Variants in SEMA6D observed in about 807,000 individuals in gnomAD.
SEMA6D encodes the protein semaphorin-6D.
Under a neutral mutation model 106.6 loss-of-function variants are expected in SEMA6D, and 35 were observed. That is an observed-to-expected ratio of 0.33 (90% CI 0.25 to 0.44). SEMA6D has a LOEUF of 0.44. Ranked by LOEUF, SEMA6D falls within the 20% of genes least tolerant of loss-of-function variation. The pLI is 1.00. For missense variants in SEMA6D, 1,185 were observed against 1,345.9 expected (o/e 0.88, Z 1.87); for synonymous variants, 499 against 487.7 (o/e 1.02, Z -0.31).
At chr15:47,620,961 A>G (rs2077087543) in intron 4 of SEMA6D, among the ~76,000 whole-genome samples, 1 of 152,030 alleles carries the variant, frequency 6.6e-6, no homozygotes, top group South Asian at 2.1e-4. Context: ...TTTGTAAAAT[A>G]GGAGATCCCT....
intron 1 of SEMA6D, among the ~76,000 whole-genome samples, chr15:47,753,873 G>T (rs2081577886): frequency 6.6e-6 from 1 of 152,182 alleles, no homozygotes; most frequent in South Asian, 2.1e-4. Flanking sequence ...AGTCTAAGCA[G>T]ATACTCTTTG....
At chr15:47,511,847 AT>A (rs1177278481) in intron 3 of SEMA6D, among the ~76,000 whole-genome samples, 1 of 152,100 alleles carries the variant, frequency 6.6e-6, no homozygotes. Context: ...CAGGCCACAC[AT>A]GTGCTGTGTG....
At chr15:47,471,206 A>G (rs2042826743) in intron 3 of SEMA6D, among the ~76,000 whole-genome samples, 1 of 152,220 alleles carries the variant, frequency 6.6e-6, no homozygotes, top group African/African-American at 2.4e-5. Flanking sequence ...GACTGAGTGG[A>G]CTTCATTGTG....
chr15:47,282,073 A>G (rs1399881721), intron 1 of SEMA6D, among the ~76,000 whole-genome samples: 2 of 152,190 alleles, frequency 1.3e-5, no homozygotes, highest in Admixed American at 6.5e-5. Context: ...ATTATGTGAT[A>G]ATAATGTGCT....
chr15:47,744,337 G>C (rs1008217114), intron 1 of SEMA6D, among the ~76,000 whole-genome samples: 2 of 152,176 alleles, frequency 1.3e-5, no homozygotes, highest in Non-Finnish European at 2.9e-5. Flanking sequence ...CCCACACACA[G>C]AAGTTTATTA....
intron 4 of SEMA6D, among the ~76,000 whole-genome samples, chr15:47,627,450 A>G (rs912597822): frequency 5.9e-5 from 9 of 152,196 alleles, no homozygotes; most frequent in African/African-American, 1.9e-4. Context: ...CAAGTTTCCT[A>G]AATCAATTTA....
At chr15:47,415,509 C>T (rs1198543482) in intron 2 of SEMA6D, among the ~76,000 whole-genome samples, 3 of 152,138 alleles carry the variant, frequency 2.0e-5, no homozygotes, top group Admixed American at 1.3e-4. Flanking sequence ...CCTTCTCCTC[C>T]TCTCTACCCG....
chr15:47,400,699 T>TCCTAGGTTCCTAGGAA (rs1452517306), intron 1 of SEMA6D, among the ~76,000 whole-genome samples: 2 of 152,168 alleles, frequency 1.3e-5, no homozygotes, highest in Non-Finnish European at 2.9e-5. Flanking sequence ...AACCTACTCT[T>TCCTAGGTTCCTAGGAA]CGAAGGATAC....
intron 2 of SEMA6D, 180 bp downstream of exon 2, chr15:47,760,087 G>T: frequency 1.5e-6 from 1 of 648,138 alleles, no homozygotes; most frequent in Non-Finnish European, 2.6e-6. Context: ...GTTTTGTTGG[G>T]TGCTTTTCTA....
At chr15:47,305,832 A>C (rs879659033) in intron 1 of SEMA6D, among the ~76,000 whole-genome samples, 3 of 152,176 alleles carry the variant, frequency 2.0e-5, no homozygotes, top group Non-Finnish European at 4.4e-5. Flanking sequence ...TTCTTCACCC[A>C]CAAAGTAGAT....
chr15:47,710,001 A>C (rs567337541), intron 4 of SEMA6D, among the ~76,000 whole-genome samples: 1 of 152,296 alleles, frequency 6.6e-6, no homozygotes, highest in South Asian at 2.1e-4. Context: ...ACAATAAATA[A>C]ACATGAGGCA....
intron 1 of SEMA6D, among the ~76,000 whole-genome samples, chr15:47,321,773 A>G (rs1028693700): frequency 6.6e-6 from 1 of 152,190 alleles, no homozygotes; most frequent in African/African-American, 2.4e-5. Context: ...TTATGATGAT[A>G]GTTACAGAGA....
At chr15:47,649,880 A>G (rs1354823295) in intron 4 of SEMA6D, among the ~76,000 whole-genome samples, 1 of 152,218 alleles carries the variant, frequency 6.6e-6, no homozygotes, top group Non-Finnish European at 1.5e-5. Context: ...CTTCTCAACT[A>G]GCTTAGAGTC....
intron 4 of SEMA6D, among the ~76,000 whole-genome samples, chr15:47,658,704 C>T (rs2077854821): frequency 6.6e-6 from 1 of 152,098 alleles, no homozygotes; most frequent in African/African-American, 2.4e-5. Flanking sequence ...AATTGTTCAT[C>T]ACATTAGTTA....
chr15:47,191,632 A>T (rs922463567), intron 1 of SEMA6D, among the ~76,000 whole-genome samples: 1 of 152,226 alleles, frequency 6.6e-6, no homozygotes, highest in Non-Finnish European at 1.5e-5. Flanking sequence ...AAAAGAAATG[A>T]AAAGGTCCCT....
intron 4 of SEMA6D, among the ~76,000 whole-genome samples, chr15:47,613,288 G>A (rs992764375): frequency 6.6e-6 from 1 of 152,150 alleles, no homozygotes; most frequent in Non-Finnish European, 1.5e-5. Context: ...TACATTTTAA[G>A]TTTCCACTGC....
chr15:47,620,693 AATATATATATATATATACACACAT>A, intron 4 of SEMA6D, among the ~76,000 whole-genome samples: 1 of 132,944 alleles, frequency 7.5e-6, no homozygotes, highest in East Asian at 2.1e-4. Flanking sequence ...TTGCCTTTAA[AATATATATATATATATACACACAT>A]ATATATATAT....
At chr15:47,337,038 C>T (rs2037593480) in intron 1 of SEMA6D, among the ~76,000 whole-genome samples, 1 of 152,062 alleles carries the variant, frequency 6.6e-6, no homozygotes, top group Admixed American at 6.6e-5. Flanking sequence ...TGGCCATACA[C>T]TCAGGCAACA....
At chr15:47,323,736 C>T (rs1207162588) in intron 1 of SEMA6D, among the ~76,000 whole-genome samples, 2 of 152,010 alleles carry the variant, frequency 1.3e-5, no homozygotes, top group Non-Finnish European at 2.9e-5. Context: ...GATAAAGAGA[C>T]GTGGCACATA....
Sources: gnomAD v4.1 joint callset for allele counts (sites outside exome capture counted in the v4.1 genomes callset) on GRCh38, gnomAD v4.1.1 for gene constraint, MANE v1.5 for transcripts, NCBI Gene and HGNC (gene_info 2026-07-23, HGNC 2026-07-21) for gene names.